Variants in WWC2 observed in about 807,000 individuals in gnomAD.
The protein encoded by WWC2 is WW and C2 domain containing 2.
WWC2 carries 101 observed loss-of-function variants against 138.5 expected under a neutral mutation model. The observed-to-expected ratio is 0.73, with a 90% CI of 0.62 to 0.86. WWC2 has a LOEUF of 0.86. Ranked by LOEUF, WWC2 falls within the 40% of genes least tolerant of loss-of-function variation. The pLI is 0.00. For missense variants in WWC2, 1,420 were observed against 1,419.4 expected (o/e 1.00, Z -0.01); for synonymous variants, 558 against 538.4 (o/e 1.04, Z -0.50).
chr4:183,314,292 T>G (rs909597961), intron 22 of WWC2, among the ~76,000 whole-genome samples: 5 of 152,222 alleles, frequency 3.3e-5, no homozygotes, highest in Non-Finnish European at 7.3e-5. Context: ...GGTGCTGTGG[T>G]CACTTAGAGA....
intron 2 of WWC2, among the ~76,000 whole-genome samples, chr4:183,197,984 G>A (rs1465716929): frequency 6.6e-6 from 1 of 152,170 alleles, no homozygotes; most frequent in African/African-American, 2.4e-5. Flanking sequence ...GGAACTTCAT[G>A]TAAAAGGATT....
At chr4:183,285,125 A>C (rs373977004) in intron 19 of WWC2, among the ~76,000 whole-genome samples, 3 of 152,318 alleles carry the variant, frequency 2.0e-5, no homozygotes, top group South Asian at 4.1e-4. Flanking sequence ...GACCACAAGC[A>C]GTAAATAAGA....
chr4:183,143,806 T>C (rs1349937248), intron 1 of WWC2, among the ~76,000 whole-genome samples: 1 of 151,290 alleles, frequency 6.6e-6, no homozygotes, highest in Non-Finnish European at 1.5e-5. Context: ...AGACCCTGTC[T>C]CACCTCCTCC....
At chr4:183,211,120 A>G (rs1306355170) in intron 4 of WWC2, among the ~76,000 whole-genome samples, 2 of 152,168 alleles carry the variant, frequency 1.3e-5, no homozygotes. Context: ...TTAATTTTCA[A>G]ACAATTGGAG....
chr4:183,265,646 A>G (rs757042090), intron 12 of WWC2, 42 bp from the exon 13 acceptor site: 2 of 1,559,706 alleles, frequency 1.3e-6, no homozygotes, highest in East Asian at 4.6e-5. Context: ...AACAATCGAT[A>G]ACCCCATTAA....
chr4:183,121,600 T>C (rs1327468525), intron 1 of WWC2, among the ~76,000 whole-genome samples: 1 of 152,096 alleles, frequency 6.6e-6, no homozygotes, highest in Non-Finnish European at 1.5e-5. Context: ...TTTATGGAGG[T>C]TGTACCAATA....
intron 21 of WWC2, among the ~76,000 whole-genome samples, chr4:183,304,164 AT>A (rs1352874569): frequency 6.6e-6 from 1 of 152,190 alleles, no homozygotes; most frequent in Non-Finnish European, 1.5e-5. Flanking sequence ...AGGTGAGGTC[AT>A]AGGGCAAACT....
chr4:183,206,347 A>G (rs1735446700), intron 2 of WWC2, among the ~76,000 whole-genome samples: 2 of 152,092 alleles, frequency 1.3e-5, no homozygotes, highest in Non-Finnish European at 2.9e-5. Flanking sequence ...TATTAAAGCC[A>G]TACTTCTTTT....
chr4:183,115,590 T>C (rs988468515), intron 1 of WWC2, among the ~76,000 whole-genome samples: 9 of 152,292 alleles, frequency 5.9e-5, no homozygotes, highest in Non-Finnish European at 1.2e-4. Flanking sequence ...CTCATTGTGG[T>C]TTTGATTTGC....
intron 1 of WWC2, among the ~76,000 whole-genome samples, chr4:183,177,977 T>C (rs1734512957): frequency 6.6e-6 from 1 of 152,114 alleles, no homozygotes; most frequent in East Asian, 1.9e-4. Context: ...GTAACTCCAT[T>C]TAGGTCAGTT....
At chr4:183,112,232 C>T (rs1280301042) in intron 1 of WWC2, among the ~76,000 whole-genome samples, 11 of 152,154 alleles carry the variant, frequency 7.2e-5, no homozygotes, top group South Asian at 2.1e-4. Flanking sequence ...GCCTGTAGAA[C>T]GTATGTAGAT....
chr4:183,259,152 C>G (rs1737242817), intron 9 of WWC2, among the ~76,000 whole-genome samples: 1 of 152,124 alleles, frequency 6.6e-6, no homozygotes, highest in Non-Finnish European at 1.5e-5. Context: ...ATTGCTAATT[C>G]TTATCAAATC....
At chr4:183,286,165 G>T (rs572191288) in intron 20 of WWC2, 106 bp downstream of exon 20, 80 of 1,093,704 alleles carry the variant, frequency 7.3e-5, no homozygotes, top group Admixed American at 2.2e-4. Flanking sequence ...TGCTCCATGC[G>T]CTTGGCCTAC....
At chr4:183,238,661 C>T (rs797006372) in intron 4 of WWC2, among the ~76,000 whole-genome samples, 51 of 152,290 alleles carry the variant, frequency 3.3e-4, no homozygotes, top group African/African-American at 1.1e-3. Flanking sequence ...GTTGAGGACC[C>T]CTTCTACCAA....
In WWC2 at chr4:183,253,846, T is replaced by C. The variant is rs1437726173; in HGVS notation, c.1043T>C (p.Ile348Thr). The C allele has an allele frequency of 6.2e-7, 1 of 1,613,686 alleles. No homozygotes were observed. The highest frequency in any genetic ancestry group is 1.7e-5 in the Admixed American group (1 of 59,974). ...ATTGAGAAGGAAAAACTGATGCTGATTAATGAAAAAGAAGAACTTTTGAAA... is the reference window on the plus strand; with the variant it reads ...ATTGAGAAGGAAAAACTGATGCTGACTAATGAAAAAGAAGAACTTTTGAAA... The part of the protein sequence containing the change: ...LDIEKEKLML[I>T]NEKEELLKEL... The change falls in exon 9 of 23, where the codon ATT (isoleucine) becomes ACT (threonine). Residue 348 changes from isoleucine (I) to threonine (T), a missense_variant. By Grantham distance (89) the Ile-to-Thr change is moderately conservative (BLOSUM62 -1). Coordinates refer to ENST00000403733, the MANE Select transcript of WWC2 (RefSeq NM_024949.6).
chr4:183,113,767 ATTT>A (rs753321213), intron 1 of WWC2, among the ~76,000 whole-genome samples: 2 of 140,054 alleles, frequency 1.4e-5, no homozygotes. Context: ...GGAATTACAG[ATTT>A]TTTTTTTTTT....
chr4:183,121,655 T>G (rs1464067893), intron 1 of WWC2, among the ~76,000 whole-genome samples: 3 of 152,176 alleles, frequency 2.0e-5, no homozygotes, highest in Non-Finnish European at 4.4e-5. Context: ...CCCCACACCT[T>G]TGTCAAACAT....
intron 1 of WWC2, among the ~76,000 whole-genome samples, chr4:183,154,893 G>A (rs907647742): frequency 2.0e-5 from 3 of 152,266 alleles, no homozygotes; most frequent in Middle Eastern, 3.4e-3. Context: ...CTCTCAGACC[G>A]CAGATAACAA....
At chr4:183,144,200 AAGTT>A (rs1345793211) in intron 1 of WWC2, among the ~76,000 whole-genome samples, 2 of 152,196 alleles carry the variant, frequency 1.3e-5, no homozygotes, top group Non-Finnish European at 2.9e-5. Context: ...AAAAATAATC[AAGTT>A]AGTTTCTTTT....
Sources: allele counts gnomAD v4.1 joint callset (sites outside exome capture counted in the v4.1 genomes callset), GRCh38; gene constraint gnomAD v4.1.1; transcripts MANE v1.5; gene names NCBI Gene and HGNC (gene_info 2026-07-23, HGNC 2026-07-21).